KCNQ5: variants seen among roughly 807,000 people sequenced by gnomAD.
The protein encoded by KCNQ5 is potassium voltage-gated channel subfamily KQT member 5.
Under a neutral mutation model 98.2 loss-of-function variants are expected in KCNQ5, and 30 were observed. The observed-to-expected ratio is 0.31, with a 90% confidence interval of 0.23 to 0.41. The LOEUF (loss-of-function observed/expected upper bound fraction) is 0.41, where lower values mean the gene tolerates loss of function less well. KCNQ5 is among the 10% of genes least tolerant of loss of function. KCNQ5 has a pLI of 1.00. For synonymous variants in KCNQ5, 458 were observed against 449.4 expected (o/e 1.02, Z -0.24); for missense variants, 835 against 1,182.5 (o/e 0.71, Z 4.31).
chr6:73,133,061 A>G (rs979503150), intron 9 of KCNQ5, among the ~76,000 whole-genome samples: 1 of 152,262 alleles, frequency 6.6e-6, no homozygotes, highest in Admixed American at 6.5e-5. Flanking sequence ...ATAATTTTTT[A>G]AATCTCAAAA....
At chr6:72,770,319 C>T (rs1455125053) in intron 1 of KCNQ5, among the ~76,000 whole-genome samples, 3 of 152,106 alleles carry the variant, frequency 2.0e-5, no homozygotes, top group Non-Finnish European at 4.4e-5. Flanking sequence ...CATTGGGAAA[C>T]ATCTCACATA....
At chr6:72,718,467 T>TG (rs1348761112) in intron 1 of KCNQ5, among the ~76,000 whole-genome samples, 1 of 144,850 alleles carries the variant, frequency 6.9e-6, no homozygotes, top group African/African-American at 2.6e-5. Flanking sequence ...TTTTTTTTTT[T>TG]TTTTGACAGA....
intron 1 of KCNQ5, among the ~76,000 whole-genome samples, chr6:72,662,385 T>C (rs1012408365): frequency 6.6e-6 from 1 of 152,210 alleles, no homozygotes; most frequent in Non-Finnish European, 1.5e-5. Context: ...TTCTTTTTAA[T>C]TCTCTCTAGC....
At chr6:72,979,356 T>A (rs1768317741) in intron 1 of KCNQ5, among the ~76,000 whole-genome samples, 1 of 152,240 alleles carries the variant, frequency 6.6e-6, no homozygotes, top group Non-Finnish European at 1.5e-5. Context: ...GACTTTTTAA[T>A]GATCTCCATT....
At chr6:73,075,771 C>T (rs199897482) in intron 3 of KCNQ5, among the ~76,000 whole-genome samples, 8 of 151,882 alleles carry the variant, frequency 5.3e-5, no homozygotes, top group African/African-American at 1.5e-4. Flanking sequence ...GGGCGGACAC[C>T]GGTGGCTCAC....
At chr6:72,768,018 T>C (rs1185850092) in intron 1 of KCNQ5, among the ~76,000 whole-genome samples, 1 of 152,022 alleles carries the variant, frequency 6.6e-6, no homozygotes, top group Non-Finnish European at 1.5e-5. Flanking sequence ...TGAAAACATA[T>C]GTCCACACAA....
At chr6:72,759,872 A>G (rs889823301) in intron 1 of KCNQ5, among the ~76,000 whole-genome samples, 1 of 152,142 alleles carries the variant, frequency 6.6e-6, no homozygotes. Context: ...GCACACACAC[A>G]CATTCACACA....
chr6:72,866,252 C>CT (rs34839143), intron 1 of KCNQ5, among the ~76,000 whole-genome samples: 9,144 of 113,832 alleles, frequency 0.08, 1,032 homozygotes, highest in African/African-American at 0.23. Flanking sequence ...CGCCATCTCC[C>CT]TTTTTTTTTT....
At chr6:72,973,504 C>T (rs936720455) in intron 1 of KCNQ5, among the ~76,000 whole-genome samples, 1 of 151,998 alleles carries the variant, frequency 6.6e-6, no homozygotes, top group Non-Finnish European at 1.5e-5. Flanking sequence ...CATTAAATTC[C>T]TTTGTTTCCC....
rs9446721 is a variant in KCNQ5, at chr6:72,628,154, T to C, written c.398+5567T>C. Among the ~76,000 whole-genome samples, 1,062 of 152,290 alleles carry C rather than the reference T, an allele frequency of 7.0e-3. 13 individuals carry two copies. Among genetic ancestry groups the C allele is most frequent in the African/African-American group, 0.025 (1,027 of 41,562 alleles). ...ATAAATGCATGCTTAACTGAGTAAG[T>C]AAATAATTTTTCTTATAAGCCTTCC... On this transcript the variant is annotated intron_variant, in intron 1 of 13. Transcript: ENST00000370398.
chr6:72,805,631 A>G (rs1208063093), intron 1 of KCNQ5, among the ~76,000 whole-genome samples: 1 of 152,154 alleles, frequency 6.6e-6, no homozygotes, highest in Non-Finnish European at 1.5e-5. Flanking sequence ...CTTTTTGCCC[A>G]GAATAACTTC....
At chr6:73,167,782 G>A (rs1353475970) in intron 10 of KCNQ5, among the ~76,000 whole-genome samples, 1 of 152,192 alleles carries the variant, frequency 6.6e-6, no homozygotes, top group East Asian at 1.9e-4. Flanking sequence ...TCCCAGAAGA[G>A]ACAAATGCTA....
At chr6:72,879,909 C>T (rs138952091) in intron 1 of KCNQ5, among the ~76,000 whole-genome samples, 1 of 152,202 alleles carries the variant, frequency 6.6e-6, no homozygotes, top group East Asian at 1.9e-4. Flanking sequence ...GCTGAATATT[C>T]TTTTGCACAG....
chr6:72,988,779 A>G (rs1190969858), intron 1 of KCNQ5, among the ~76,000 whole-genome samples: 1 of 108,302 alleles, frequency 9.2e-6, no homozygotes, highest in East Asian at 2.8e-4. Context: ...AGCATTAGGT[A>G]TATCTCCCAA....
At chr6:72,841,795 C>T (rs1776806002) in intron 1 of KCNQ5, among the ~76,000 whole-genome samples, 1 of 152,122 alleles carries the variant, frequency 6.6e-6, no homozygotes, top group South Asian at 2.1e-4. Context: ...ATATGGAGCT[C>T]ATCTGTCGAC....
chr6:73,085,892 T>G (rs928604330), intron 5 of KCNQ5, among the ~76,000 whole-genome samples: 1 of 152,168 alleles, frequency 6.6e-6, no homozygotes. Context: ...AATGTAACAT[T>G]TTTGCTGTGA....
At chr6:72,938,748 A>G (rs1294437071) in intron 1 of KCNQ5, among the ~76,000 whole-genome samples, 1 of 152,068 alleles carries the variant, frequency 6.6e-6, no homozygotes, top group Non-Finnish European at 1.5e-5. Context: ...AAGCTTTTTT[A>G]AAAAAATAAA....
chr6:73,113,646 C>T (rs1225760119), intron 7 of KCNQ5, among the ~76,000 whole-genome samples: 1 of 152,222 alleles, frequency 6.6e-6, no homozygotes. Context: ...TTATTGACTA[C>T]TAAACTGTGC....
At position 72,852,640 on chromosome 6, in the gene KCNQ5, A is replaced by AATATATATAT. The variant is rs140435793; in HGVS notation, c.399-151256_399-151247dup. Among the ~76,000 whole-genome samples, 220 of 56,790 alleles carry AATATATATAT rather than the reference A, an allele frequency of 3.9e-3. 32 individuals are homozygous for AATATATATAT. The highest frequency in any genetic ancestry group is 5.6e-3 in the African/African-American group (63 of 11,288). The allele number at this position is 56,790 out of a possible 152,430, so 37.3% of individuals were successfully genotyped here. On this transcript the variant is annotated intron_variant, in intron 1 of 13. Transcript: ENST00000370398. ...AGTGGAGAGAAGGAGATGAAGGGGAAATATATATATATATATATATAAATG... is the reference window on the plus strand; with the variant it reads ...AGTGGAGAGAAGGAGATGAAGGGGAAATATATATATATATATATATATATATATATAAATG...
Sources: gnomAD v4.1 joint callset for allele counts (sites outside exome capture counted in the v4.1 genomes callset) on GRCh38, gnomAD v4.1.1 for gene constraint, MANE v1.5 for transcripts, NCBI Gene and HGNC (gene_info 2026-07-23, HGNC 2026-07-21) for gene names.